Variants in FGF14 observed in about 807,000 individuals in gnomAD.
FGF14 encodes fibroblast growth factor 14, also known as fibroblast growth factor homologous factor 4.
FGF14 carries 5 observed loss-of-function variants against 25.5 expected under a neutral mutation model. That is an observed-to-expected ratio of 0.20 (90% CI 0.10 to 0.41). FGF14 has a LOEUF of 0.41. Ranked by LOEUF, FGF14 falls within the 10% of genes least tolerant of loss-of-function variation. The pLI is 1.00. For missense variants in FGF14, 222 were observed against 320.1 expected (o/e 0.69, Z 2.34); for synonymous variants, 138 against 118.3 (o/e 1.17, Z -1.08).
At chr13:102,018,114 TC>T (rs1468907877) in intron 1 of FGF14, among the ~76,000 whole-genome samples, 1 of 152,164 alleles carries the variant, frequency 6.6e-6, no homozygotes, top group African/African-American at 2.4e-5. Flanking sequence ...GTTTGGTGAC[TC>T]CTGTTGAAAT....
rs1594010324 is a variant in FGF14, at chr13:101,715,436, C to T, written c.*7395G>A. On this transcript the variant is annotated 3_prime_UTR_variant, in exon 5 of 5. Coordinates refer to ENST00000376143, the MANE Select transcript of FGF14 (RefSeq NM_004115.4). ...ATAAGATGTAATAATAACATCATTGCACAATAAGAAAATCTACCAAGGATG... is the reference window on the plus strand; with the variant it reads ...ATAAGATGTAATAATAACATCATTGTACAATAAGAAAATCTACCAAGGATG... The T allele has an allele frequency of 6.8e-6, 5 of 733,718 alleles. No individual in the cohort carries two copies. In the East Asian group the frequency reaches 1.0e-4, roughly 15 times the overall value. 45.5% of individuals were successfully genotyped at this position (733,718 alleles called of 1,614,324 possible).
At chr13:102,147,701 G>A (rs1296133737) in intron 1 of FGF14, among the ~76,000 whole-genome samples, 1 of 152,120 alleles carries the variant, frequency 6.6e-6, no homozygotes, top group African/African-American at 2.4e-5. Flanking sequence ...TGGGGAGGAG[G>A]TGGATGGTCT....
At chr13:101,812,973 CTCTT>C (rs1392129279) in intron 3 of FGF14, among the ~76,000 whole-genome samples, 3 of 151,918 alleles carry the variant, frequency 2.0e-5, no homozygotes, top group African/African-American at 7.3e-5. Context: ...AGCTAAAACT[CTCTT>C]TCAATATAAT....
intron 1 of FGF14, among the ~76,000 whole-genome samples, chr13:101,896,828 C>T (rs1233321169): frequency 6.6e-6 from 1 of 152,126 alleles, no homozygotes; most frequent in Non-Finnish European, 1.5e-5. Context: ...CTGACAATGA[C>T]TCACCATGAG....
chr13:102,126,759 G>A lies in FGF14; in HGVS notation c.209-251463C>T, dbSNP rs959288672. Among the ~76,000 whole-genome samples the A allele has an allele frequency of 2.6e-5, 4 of 152,198 alleles. No individual in the cohort carries two copies. The East Asian group carries it at 7.7e-4, about 29-fold the overall frequency. On this transcript the variant is annotated intron_variant, in intron 1 of 4. Transcript: ENST00000376131. Reference sequence around the variant, plus strand: ...CTTATGGATCATTTCCTGTATGCCAGCATCTCATCTAATTTTTCTCAATGA... The same window carrying A: ...CTTATGGATCATTTCCTGTATGCCAACATCTCATCTAATTTTTCTCAATGA...
chr13:102,282,796 C>G (rs958838134), intron 1 of FGF14, among the ~76,000 whole-genome samples: 1 of 151,890 alleles, frequency 6.6e-6, no homozygotes, highest in African/African-American at 2.4e-5. Flanking sequence ...CACTCATATT[C>G]CATTGGCCAA....
At chr13:102,134,436 C>T (rs1052431089) in intron 1 of FGF14, among the ~76,000 whole-genome samples, 41 of 152,322 alleles carry the variant, frequency 2.7e-4, no homozygotes, top group Middle Eastern at 6.8e-3. Flanking sequence ...TGATTGGCAG[C>T]CCCATACAGG....
intron 3 of FGF14, among the ~76,000 whole-genome samples, chr13:101,851,424 G>A (rs2043842912): frequency 6.6e-6 from 1 of 152,082 alleles, no homozygotes; most frequent in South Asian, 2.1e-4. Context: ...CAACTGAGAT[G>A]ATCCATTTCT....
intron 1 of FGF14, among the ~76,000 whole-genome samples, chr13:102,347,923 C>CA (rs1469378447): frequency 2.7e-5 from 4 of 148,258 alleles, no homozygotes; most frequent in Admixed American, 6.7e-5. Context: ...CTATTTATAA[C>CA]AAAAAATCTT....
intron 1 of FGF14, among the ~76,000 whole-genome samples, chr13:101,877,336 C>T (rs993436234): frequency 6.6e-6 from 1 of 152,096 alleles, no homozygotes; most frequent in Non-Finnish European, 1.5e-5. Context: ...GAAATCATAA[C>T]GCCATTGATT....
intron 1 of FGF14, among the ~76,000 whole-genome samples, chr13:101,913,807 C>A (rs1204920078): frequency 1.3e-5 from 2 of 152,012 alleles, no homozygotes; most frequent in Non-Finnish European, 2.9e-5. Context: ...CCTCTCCCCA[C>A]CCCTCTCTCC....
chr13:101,735,293 C>A (rs2036104122), intron 3 of FGF14, among the ~76,000 whole-genome samples: 1 of 152,128 alleles, frequency 6.6e-6, no homozygotes, highest in Non-Finnish European at 1.5e-5. Flanking sequence ...ATATAATTAT[C>A]AATTTCACTG....
At chr13:102,319,980 G>T (rs894614059) in intron 1 of FGF14, among the ~76,000 whole-genome samples, 1 of 152,144 alleles carries the variant, frequency 6.6e-6, no homozygotes, top group African/African-American at 2.4e-5. Flanking sequence ...AGAGCATATT[G>T]TTGGTGTTGT....
chr13:102,128,277 G>A (rs60332470), intron 1 of FGF14, among the ~76,000 whole-genome samples: 30,638 of 152,074 alleles, frequency 0.2, 3,272 homozygotes, highest in Middle Eastern at 0.27. Context: ...AGTAGCTGTC[G>A]GCTAATATCA....
intron 1 of FGF14, among the ~76,000 whole-genome samples, chr13:101,908,956 T>C (rs187709706): frequency 8.9e-4 from 135 of 152,250 alleles, no homozygotes; most frequent in Non-Finnish European, 1.5e-3. Flanking sequence ...AACTATCTGA[T>C]CTTTGACAAA....
intron 1 of FGF14, chr13:102,373,404 T>A (rs7325695): frequency 0.15 from 22,613 of 152,146 alleles, 2,237 homozygotes; most frequent in African/African-American, 0.27. Context: ...AGTCTGCTCA[T>A]CCCTTCTCTG....
At chr13:102,256,786 C>T (rs921622767) in intron 1 of FGF14, among the ~76,000 whole-genome samples, 1 of 152,092 alleles carries the variant, frequency 6.6e-6, no homozygotes, top group Non-Finnish European at 1.5e-5. Context: ...AGAGTCGATG[C>T]TGATAATACA....
chr13:102,401,568 G>A (rs201023683), exon 1 of FGF14: 5 of 1,614,094 alleles, frequency 3.1e-6, no homozygotes, highest in Admixed American at 1.7e-5. Context: ...ACATTGATTT[G>A]GGCGAAAAGC....
rs1224051912 is a variant in FGF14 at position 102,303,557 on chromosome 13, C to G, written c.208+97914G>C. 3.3e-5 allele frequency among the ~76,000 whole-genome samples: 5 copies of G among 152,152 alleles called. 1 individual carries two copies. The highest frequency in any genetic ancestry group is 2.0e-4 in the Admixed American group (3 of 15,270). On this transcript the variant is annotated intron_variant, in intron 1 of 4. Transcript: ENST00000376131. The stretch of plus-strand genomic sequence containing the variant: ...CTAACATTTATTGGGTGTTTGCCAT[C>G]TATCAGGTTCATTCAGTATTTTGCA...
Sources: gnomAD v4.1 joint callset for allele counts (sites outside exome capture counted in the v4.1 genomes callset) on GRCh38, gnomAD v4.1.1 for gene constraint, MANE v1.5 for transcripts, NCBI Gene and HGNC (gene_info 2026-07-23, HGNC 2026-07-21) for gene names.